Variants in ZMAT4 observed in about 807,000 individuals in gnomAD.
ZMAT4 encodes the protein zinc finger matrin-type 4.
A neutral mutation model predicts 28.7 loss-of-function variants in ZMAT4; 17 were observed. That is an observed-to-expected ratio of 0.59 (90% CI 0.41 to 0.89). The LOEUF (loss-of-function observed/expected upper bound fraction) is 0.89. ZMAT4 is among the 40% of genes least tolerant of loss of function. The pLI, the probability that ZMAT4 is intolerant of heterozygous loss-of-function variation, is 0.00. For missense variants in ZMAT4, 240 were observed against 283.8 expected (o/e 0.85, Z 1.11); for synonymous variants, 117 against 109.2 (o/e 1.07, Z -0.44).
intron 3 of ZMAT4, among the ~76,000 whole-genome samples, chr8:40,766,699 C>G (rs1813173512): frequency 6.6e-6 from 1 of 152,230 alleles, no homozygotes; most frequent in Non-Finnish European, 1.5e-5. Flanking sequence ...AAACACCAGC[C>G]TTGATGCTCA....
chr8:40,720,523 C>CTTTTTTT (rs1307193398), intron 3 of ZMAT4, among the ~76,000 whole-genome samples: 2 of 113,126 alleles, frequency 1.8e-5, no homozygotes, highest in Non-Finnish European at 1.8e-5. Context: ...TGGGTAGAAT[C>CTTTTTTT]TTTTTTTTTT....
chr8:40,849,919 T>A (rs1168765611), intron 1 of ZMAT4, among the ~76,000 whole-genome samples: 1 of 152,134 alleles, frequency 6.6e-6, no homozygotes, highest in Non-Finnish European at 1.5e-5. Context: ...CTTCCCCACC[T>A]AGTACCTGGC....
intron 5 of ZMAT4, among the ~76,000 whole-genome samples, chr8:40,660,170 C>A (rs1808121836): frequency 1.3e-5 from 2 of 152,088 alleles, no homozygotes; most frequent in Non-Finnish European, 2.9e-5. Flanking sequence ...GTCTAGGAAC[C>A]CACTTATCTA....
At chr8:40,610,542 G>A (rs1805758844) in intron 5 of ZMAT4, among the ~76,000 whole-genome samples, 1 of 152,114 alleles carries the variant, frequency 6.6e-6, no homozygotes, top group South Asian at 2.1e-4. Context: ...TGGGAAGCGT[G>A]ATTGTCATGG....
At chr8:40,729,319 G>T (rs1172805817) in intron 3 of ZMAT4, among the ~76,000 whole-genome samples, 1 of 152,174 alleles carries the variant, frequency 6.6e-6, no homozygotes, top group Non-Finnish European at 1.5e-5. Flanking sequence ...CAAATGGGAG[G>T]TCTGTGTATT....
chr8:40,668,747 A>G (rs528913655), intron 5 of ZMAT4, among the ~76,000 whole-genome samples: 18 of 152,156 alleles, frequency 1.2e-4, no homozygotes, highest in Non-Finnish European at 2.2e-4. Flanking sequence ...GAAAATATAA[A>G]CACCAGCTGC....
intron 5 of ZMAT4, among the ~76,000 whole-genome samples, chr8:40,649,192 G>C (rs1807506746): frequency 6.6e-6 from 1 of 152,048 alleles, no homozygotes; most frequent in East Asian, 1.9e-4. Flanking sequence ...CTCACGTGCA[G>C]AGACACACAT....
At chr8:40,534,822 A>G (rs1221808056) in intron 6 of ZMAT4, among the ~76,000 whole-genome samples, 2 of 151,718 alleles carry the variant, frequency 1.3e-5, no homozygotes, top group African/African-American at 4.8e-5. Flanking sequence ...AGCTGGGATT[A>G]CAGCCACGTG....
chr8:40,879,155 T>C (rs1370814832), intron 1 of ZMAT4, among the ~76,000 whole-genome samples: 1 of 152,138 alleles, frequency 6.6e-6, no homozygotes. Context: ...AGTATGGTGG[T>C]GCGTACCTAC....
chr8:40,753,439 C>T (rs376670529), intron 3 of ZMAT4, among the ~76,000 whole-genome samples: 36 of 152,324 alleles, frequency 2.4e-4, no homozygotes, highest in African/African-American at 7.7e-4. Context: ...GAAAGCCCTT[C>T]TCTGATTCCA....
chr8:40,610,583 T>C (rs1805759700), intron 5 of ZMAT4, among the ~76,000 whole-genome samples: 2 of 152,208 alleles, frequency 1.3e-5, no homozygotes, highest in South Asian at 4.1e-4. Flanking sequence ...GTCATCTGCT[T>C]CATTTGGATG....
chr8:40,876,252 C>T (rs1288523876), intron 1 of ZMAT4, among the ~76,000 whole-genome samples: 1 of 152,136 alleles, frequency 6.6e-6, no homozygotes, highest in African/African-American at 2.4e-5. Context: ...AGATGAAGAC[C>T]TTTATGATAA....
chr8:40,626,553 C>G (rs941201622), intron 5 of ZMAT4, among the ~76,000 whole-genome samples: 1 of 152,224 alleles, frequency 6.6e-6, no homozygotes, highest in African/African-American at 2.4e-5. Flanking sequence ...CCTGTCTCAC[C>G]TGCCTCCATG....
chr8:40,566,808 C>T (rs1803939725), intron 6 of ZMAT4, among the ~76,000 whole-genome samples: 1 of 151,058 alleles, frequency 6.6e-6, no homozygotes, highest in South Asian at 2.1e-4. Flanking sequence ...CAACTAGGTG[C>T]TAATTTAGTA....
rs139265078 is a variant in ZMAT4, at chr8:40,738,125, G to A, written c.192+29516C>T. Among the ~76,000 whole-genome samples the A allele has an allele frequency of 2.1e-3, 320 of 152,306 alleles. 3 individuals carry two copies. Among genetic ancestry groups the A allele is most frequent in the African/African-American group, 6.9e-3 (288 of 41,562 alleles). ...AGAATCAGGAGTTGGAGAATTAGAC[G>A]AGTAGGAGGTTCTGACTAGAAGTTT... is the stretch of plus-strand genomic sequence containing the variant. On this transcript the variant is annotated intron_variant, in intron 3 of 6. Transcript: ENST00000297737.
At chr8:40,663,611 G>A (rs1808289694) in intron 5 of ZMAT4, among the ~76,000 whole-genome samples, 2 of 152,148 alleles carry the variant, frequency 1.3e-5, no homozygotes, top group African/African-American at 2.4e-5. Context: ...AGGAACATGA[G>A]CCATTTAAGC....
rs542802457 is a variant in ZMAT4, at chr8:40,738,174, G to T, written c.192+29467C>A. The stretch of plus-strand genomic sequence containing the variant: ...TTATATATTGCATTTTAATACAGAA[G>T]AGGTACCAGGTGTTAACAAAGGAAT... On this transcript the variant is annotated intron_variant, in intron 3 of 6. Transcript: ENST00000297737. 1.8e-4 allele frequency among the ~76,000 whole-genome samples: 27 copies of T among 152,302 alleles called. 1 individual carries two copies. In the South Asian group the frequency reaches 5.6e-3, roughly 32 times the overall value.
At chr8:40,841,782 A>C (rs1000810336) in intron 1 of ZMAT4, among the ~76,000 whole-genome samples, 1 of 152,234 alleles carries the variant, frequency 6.6e-6, no homozygotes, top group Admixed American at 6.5e-5. Context: ...TAAAAGTAAA[A>C]TGCACTAGTG....
intron 1 of ZMAT4, among the ~76,000 whole-genome samples, chr8:40,869,951 T>A (rs1013713772): frequency 6.6e-6 from 1 of 152,118 alleles, no homozygotes; most frequent in Non-Finnish European, 1.5e-5. Flanking sequence ...ATTTTCCACA[T>A]GTTGGGGCTC....
Sources: allele counts gnomAD v4.1 joint callset (sites outside exome capture counted in the v4.1 genomes callset), GRCh38; gene constraint gnomAD v4.1.1; transcripts MANE v1.5; gene names NCBI Gene and HGNC (gene_info 2026-07-23, HGNC 2026-07-21).